SH3BP5L: variants seen among roughly 807,000 people sequenced by gnomAD.
SH3BP5L encodes SH3 domain-binding protein 5-like.
Under a neutral mutation model 40.9 loss-of-function variants are expected in SH3BP5L, and 16 were observed. That is an observed-to-expected ratio of 0.39 (90% CI 0.27 to 0.59). SH3BP5L has a LOEUF of 0.59. SH3BP5L is among the 20% of genes least tolerant of loss of function. The pLI, the probability that SH3BP5L is intolerant of heterozygous loss-of-function variation, is 0.53. For missense variants in SH3BP5L, 471 were observed against 544.6 expected, an observed-to-expected ratio of 0.86 and a Z score of 1.35; for synonymous variants, 229 against 226.7, an observed-to-expected ratio of 1.01 and a Z score of -0.09.
intron 2 of SH3BP5L, among the ~76,000 whole-genome samples, chr1:248,818,226 T>C (rs909487915): frequency 2.0e-5 from 3 of 152,090 alleles, no homozygotes; most frequent in African/African-American, 7.2e-5. Context: ...CACACATCTA[T>C]AATCCCAGCT....
At chr1:248,823,454 G>A (rs73150602) in intron 2 of SH3BP5L, among the ~76,000 whole-genome samples, 2,831 of 152,284 alleles carry the variant, frequency 0.019, 93 homozygotes, top group African/African-American at 0.065. Context: ...TGGAGGTAGC[G>A]TGAAACTCAG....
chr1:248,816,894 A>G lies in SH3BP5L; in HGVS notation c.184-10T>C. ...GGTGCTCCAACTCCTCCTGCCACAG[A>G]GAGGGGTGGCAAATTAGTGCAGTGG... On this transcript the variant is annotated splice_polypyrimidine_tract_variant and intron_variant, in intron 2 of 6. Transcript: ENST00000366472. 2.5e-6 allele frequency: 4 copies of G among 1,614,104 alleles called. No homozygotes were observed. The highest frequency in any genetic ancestry group is 1.7e-5 in the Admixed American group (1 of 60,022).
At position 248,817,013 on chromosome 1, in the gene SH3BP5L, A is replaced by T. The variant is rs749520073; in HGVS notation, c.184-129T>A. On this transcript the variant is annotated intron_variant, in intron 2 of 6. Transcript: ENST00000366472. Reference sequence around the variant, plus strand: ...GGGAAATGAGGTGAGACACTCAGGAAAGGAAAGAAGATACGGAGATTGCCA... The same window carrying T: ...GGGAAATGAGGTGAGACACTCAGGATAGGAAAGAAGATACGGAGATTGCCA... The T allele has an allele frequency of 5.8e-6, 9 of 1,562,618 alleles. No homozygotes were observed. The East Asian group carries it at 1.9e-4, about 33-fold the overall frequency.
Position 248,818,369 on chromosome 1 carries a change from A to C in SH3BP5L, c.184-1485T>G, listed in dbSNP as rs893708335. The stretch of plus-strand genomic sequence containing the variant: ...TCACAAAAACAAAAAACAAACAAAA[A>C]AAAAAAGGTGGAGGCTGTCTATAGT... On this transcript the variant is annotated intron_variant, in intron 2 of 6. Coordinates refer to ENST00000366472, the MANE Select transcript of SH3BP5L (RefSeq NM_030645.3). 1.1e-4 allele frequency among the ~76,000 whole-genome samples: 17 copies of C among 152,296 alleles called. No homozygotes were observed. The East Asian group carries it at 2.1e-3, about 19-fold the overall frequency.
intron 2 of SH3BP5L, 185 bp from the exon 3 acceptor site, chr1:248,817,069 C>T (rs1022717267): frequency 1.8e-5 from 27 of 1,525,362 alleles, no homozygotes; most frequent in African/African-American, 2.7e-5. Flanking sequence ...GGACCTGATA[C>T]ATACAATCTC....
chr1:248,815,529 C>A (rs1664082813), intron 4 of SH3BP5L, among the ~76,000 whole-genome samples: 1 of 152,182 alleles, frequency 6.6e-6, no homozygotes, highest in Non-Finnish European at 1.5e-5. Flanking sequence ...TGGCCAAGGA[C>A]AAACTGCCCC....
At chr1:248,824,563 T>C (rs1046494592) in intron 2 of SH3BP5L, among the ~76,000 whole-genome samples, 190 bp downstream of exon 2, 1 of 152,216 alleles carries the variant, frequency 6.6e-6, no homozygotes, top group Non-Finnish European at 1.5e-5. Context: ...CTGCACTCCA[T>C]CAGCACTTCA....
chr1:248,811,876 A>G lies in SH3BP5L; in HGVS notation c.*24T>C. Reference sequence around the variant, plus strand: ...CCAACCGGCCCGTGGTGGCAGATTCAAGCCAGGAACCCTGGCCCCTCGGCT... The same window carrying G: ...CCAACCGGCCCGTGGTGGCAGATTCGAGCCAGGAACCCTGGCCCCTCGGCT... On this transcript the variant is annotated 3_prime_UTR_variant, in exon 7 of 7. Transcript: ENST00000366472. 2 of 1,470,752 alleles carry G rather than the reference A, an allele frequency of 1.4e-6. No homozygotes were observed. The highest frequency in any genetic ancestry group is 1.8e-6 in the Non-Finnish European group (2 of 1,101,172). The allele number at this position is 1,470,752 out of a possible 1,614,324, so 91.1% of individuals were successfully genotyped here.
At chr1:248,817,843 ACT>A (rs1360840374) in intron 2 of SH3BP5L, among the ~76,000 whole-genome samples, 3 of 152,042 alleles carry the variant, frequency 2.0e-5, no homozygotes, top group Non-Finnish European at 2.9e-5. Flanking sequence ...ACATAGCGAG[ACT>A]CTGTCTCAAA....
At chr1:248,816,937 T>G in intron 2 of SH3BP5L, 53 bp from the exon 3 acceptor site, 1 of 1,613,220 alleles carries the variant, frequency 6.2e-7, no homozygotes, top group Non-Finnish European at 8.5e-7. Flanking sequence ...TAGCCTTGAA[T>G]GAACCATGCA....
chr1:248,811,725 C>T lies in SH3BP5L; in HGVS notation c.*175G>A. The T allele has an allele frequency of 3.5e-6, 2 of 568,388 alleles. No individual in the cohort carries two copies. Among genetic ancestry groups the T allele is most frequent in the Non-Finnish European group, 6.2e-6 (2 of 324,766 alleles). 35.2% of individuals were successfully genotyped at this position (568,388 alleles called of 1,614,324 possible). A position where few individuals can be genotyped will look rare whatever the true frequency, so the allele number is the denominator to read the frequency against. On this transcript the variant is annotated 3_prime_UTR_variant, in exon 7 of 7. Transcript: ENST00000366472. ...CCGCCTGCTGAGGGGAAGGGGGAGGCTGTGAGAACGCCAGGGCAGGCACAG... is the reference window on the plus strand; with the variant it reads ...CCGCCTGCTGAGGGGAAGGGGGAGGTTGTGAGAACGCCAGGGCAGGCACAG...
rs922499169 is a variant in SH3BP5L, at chr1:248,817,122, CCA to C, written c.184-240_184-239del. On this transcript the variant is annotated intron_variant, in intron 2 of 6. Coordinates refer to ENST00000366472, the MANE Select transcript of SH3BP5L (RefSeq NM_030645.3). Reference sequence around the variant, plus strand: ...CTACCTTGTATTGGGTAGTAAAACCCCAGTTTCAAGGATGAAGAAATTGAGGT... The same window carrying C: ...CTACCTTGTATTGGGTAGTAAAACCCGTTTCAAGGATGAAGAAATTGAGGT... The C allele has an allele frequency of 9.6e-6, 13 of 1,358,700 alleles. No individual in the cohort carries two copies. In the African/African-American group the frequency reaches 1.4e-4, roughly 15 times the overall value. The allele number at this position is 1,358,700 out of a possible 1,614,324, so 84.2% of individuals were successfully genotyped here.
chr1:248,814,855 C>T, intron 4 of SH3BP5L: 1 of 632,924 alleles, frequency 1.6e-6, no homozygotes. Context: ...TCCAGCACTC[C>T]CAAAGGCTGC....
chr1:248,820,470 G>A (rs1328721910), intron 2 of SH3BP5L: 2 of 152,328 alleles, frequency 1.3e-5, no homozygotes, highest in Non-Finnish European at 2.9e-5. Flanking sequence ...TCTGGGAGAC[G>A]AGTGACCAGT....
rs924950445 is a variant in SH3BP5L, at chr1:248,811,629, G to A, written c.*271C>T. The A allele has an allele frequency of 1.0e-5, 5 of 482,406 alleles. No individual in the cohort carries two copies. In the Admixed American group the frequency reaches 1.5e-4, roughly 14 times the overall value. The allele number at this position is 482,406 out of a possible 1,614,324, so 29.9% of individuals were successfully genotyped here. A position where few individuals can be genotyped will look rare whatever the true frequency, so the allele number is the denominator to read the frequency against. The stretch of plus-strand genomic sequence containing the variant: ...GCAAAGGGTCAATGCCCTGCAGATC[G>A]TGATGAGCTGGCAGGCAGAGGCAGA... On this transcript the variant is annotated 3_prime_UTR_variant, in exon 7 of 7. Coordinates refer to ENST00000366472, the MANE Select transcript of SH3BP5L (RefSeq NM_030645.3).
Position 248,812,023 on chromosome 1 carries a change from G to A in SH3BP5L, c.1059C>T (p.His353=). 3 of 1,612,248 alleles carry A rather than the reference G, an allele frequency of 1.9e-6. No individual in the cohort carries two copies. The highest frequency in any genetic ancestry group is 2.5e-6 in the Non-Finnish European group (3 of 1,179,512). The part of the protein sequence containing the change: ...SDLQKCDSVE[H]LRGLSDHVSL... ...TGACGTGGTCCGAGAGGCCTCGCAA[G>A]TGCTCCACGGAGTCGCACTTCTGCA... The change falls in exon 7 of 7, where the codon CAC becomes CAT. Residue 353 remains histidine (H), a synonymous_variant. Coordinates refer to ENST00000366472, the MANE Select transcript of SH3BP5L (RefSeq NM_030645.3). The surrounding 1 kb of genome is among the most constrained non-coding windows in gnomAD (Gnocchi z 6.1).
chr1:248,824,707 G>T, intron 2 of SH3BP5L, 46 bp downstream of exon 2: 1 of 1,599,470 alleles, frequency 6.3e-7, no homozygotes, highest in South Asian at 1.1e-5. Context: ...CTTCAGGGAG[G>T]CTGGAATCTG....
At chr1:248,813,498 C>G (rs1664014523) in intron 5 of SH3BP5L, 2 of 282,978 alleles carry the variant, frequency 7.1e-6, no homozygotes, top group Non-Finnish European at 1.3e-5. Flanking sequence ...GATGCTGGTG[C>G]CCACTCAACC....
At position 248,810,458 on chromosome 1, in the gene SH3BP5L, T is replaced by C. The variant is rs150301796; in HGVS notation, c.*1442A>G. On this transcript the variant is annotated 3_prime_UTR_variant, in exon 7 of 7. Coordinates refer to ENST00000366472, the MANE Select transcript of SH3BP5L (RefSeq NM_030645.3). ...AGGACAGTAGATGTTAACTGTTACA[T>C]AAACTACTTTATTTAAATAAAACCA... The C allele has an allele frequency of 1.5e-3, 227 of 152,464 alleles. No homozygotes were observed. Among genetic ancestry groups the C allele is most frequent in the Middle Eastern group, 6.8e-3 (2 of 294 alleles). 9.4% of individuals were successfully genotyped at this position (152,464 alleles called of 1,614,324 possible). A position where few individuals can be genotyped will look rare whatever the true frequency, so the allele number is the denominator to read the frequency against.
Sources: allele counts gnomAD v4.1 joint callset (sites outside exome capture counted in the v4.1 genomes callset), GRCh38; gene constraint gnomAD v4.1.1; non-coding constraint Gnocchi (gnomAD v3.1); transcripts MANE v1.5; gene names NCBI Gene and HGNC (gene_info 2026-07-23, HGNC 2026-07-21).